EYS: variants seen among roughly 807,000 people sequenced by gnomAD.
The protein encoded by EYS is protein eyes shut homolog.
Under a neutral mutation model 282.1 loss-of-function variants are expected in EYS, and 250 were observed. The observed-to-expected ratio is 0.89, with a 90% CI of 0.80 to 0.98. The LOEUF is 0.98. Among genes scored for constraint, EYS ranks in the 50% least tolerant of loss-of-function variants. The pLI is 0.00. For missense variants in EYS, 4,016 were observed against 3,709.0 expected (o/e 1.08, Z -2.15); for synonymous variants, 1,355 against 1,282.9 (o/e 1.06, Z -1.20).
chr6:65,271,992 C>T (rs1767918946), intron 12 of EYS, among the ~76,000 whole-genome samples: 1 of 152,140 alleles, frequency 6.6e-6, no homozygotes, highest in African/African-American at 2.4e-5. Context: ...CCTATGTCTA[C>T]AGGAGGTAAA....
intron 13 of EYS, among the ~76,000 whole-genome samples, chr6:65,006,373 A>T (rs1771657225): frequency 6.6e-6 from 1 of 152,150 alleles, no homozygotes; most frequent in African/African-American, 2.4e-5. Flanking sequence ...TCCTTAACCC[A>T]GTAACCCACA....
chr6:64,946,031 T>C (rs1197442736), intron 14 of EYS, 117 bp from the exon 15 acceptor site: 11 of 806,486 alleles, frequency 1.4e-5, no homozygotes, highest in Non-Finnish European at 2.0e-5. Flanking sequence ...TTTAGTTTTA[T>C]AGAATGCCAA....
At chr6:64,431,790 C>T (rs550404339) in intron 28 of EYS, among the ~76,000 whole-genome samples, 25 of 152,006 alleles carry the variant, frequency 1.6e-4, no homozygotes, top group Admixed American at 3.3e-4. Context: ...ACCTTCCTCT[C>T]TTCTTTTGAT....
intron 12 of EYS, among the ~76,000 whole-genome samples, chr6:65,286,203 A>G (rs1768357568): frequency 6.6e-6 from 1 of 151,864 alleles, no homozygotes; most frequent in Non-Finnish European, 1.5e-5. Flanking sequence ...CAGTTGCTTG[A>G]TAATTAAAAT....
At chr6:64,066,595 G>T in intron 32 of EYS, 104 bp from the exon 33 acceptor site, 2 of 780,514 alleles carry the variant, frequency 2.6e-6, no homozygotes, top group Non-Finnish European at 2.0e-6. Flanking sequence ...TGATTTAGGG[G>T]GTTGGTAGGA....
At chr6:64,581,493 T>A (rs915329114) in intron 26 of EYS, among the ~76,000 whole-genome samples, 6 of 152,180 alleles carry the variant, frequency 3.9e-5, no homozygotes, top group Admixed American at 2.6e-4. Context: ...TATTTGCTGT[T>A]TAATGTCATT....
At chr6:63,766,564 G>A (rs1049500686) in intron 40 of EYS, among the ~76,000 whole-genome samples, 1 of 152,050 alleles carries the variant, frequency 6.6e-6, no homozygotes, top group African/African-American at 2.4e-5. Context: ...CAAGGCTTTG[G>A]TAAGTGTGTT....
At chr6:64,077,320 T>G (rs1771808176) in intron 32 of EYS, among the ~76,000 whole-genome samples, 1 of 152,038 alleles carries the variant, frequency 6.6e-6, no homozygotes, top group African/African-American at 2.4e-5. Flanking sequence ...GCCACATCAT[T>G]GAAATGAAAT....
intron 32 of EYS, among the ~76,000 whole-genome samples, chr6:64,080,697 A>AT (rs1771936286): frequency 6.6e-6 from 1 of 151,880 alleles, no homozygotes; most frequent in South Asian, 2.1e-4. Flanking sequence ...TAGGTCTAAC[A>AT]TTTAAGTCTT....
chr6:64,624,074 G>A (rs979625392), intron 23 of EYS, among the ~76,000 whole-genome samples: 2 of 152,094 alleles, frequency 1.3e-5, no homozygotes, highest in Non-Finnish European at 2.9e-5. Context: ...TGACTAAGTT[G>A]TGAAGAGTGT....
intron 19 of EYS, among the ~76,000 whole-genome samples, chr6:64,859,770 G>A (rs868245599): frequency 1.3e-5 from 2 of 152,210 alleles, no homozygotes; most frequent in South Asian, 4.1e-4. Flanking sequence ...CCCAGTCTTG[G>A]TTATGTCTTT....
intron 22 of EYS, among the ~76,000 whole-genome samples, chr6:64,705,810 C>T (rs1770985046): frequency 7.9e-6 from 1 of 126,070 alleles, no homozygotes; most frequent in Non-Finnish European, 1.6e-5. Flanking sequence ...GGGAACATCA[C>T]ACTCTGGGGA....
intron 22 of EYS, among the ~76,000 whole-genome samples, chr6:64,647,896 GAATA>G (rs1768412558): frequency 1.3e-5 from 2 of 149,934 alleles, no homozygotes; most frequent in South Asian, 2.1e-4. Context: ...GTGCCTTCAT[GAATA>G]AATAAATGGT....
chr6:65,606,334 C>T (rs354398), intron 2 of EYS, among the ~76,000 whole-genome samples: 117,702 of 151,736 alleles, frequency 0.78, 45,761 homozygotes, highest in Middle Eastern at 0.82. Flanking sequence ...TATTCCAAGC[C>T]ATACTAAAAT....
At chr6:65,486,136 A>G (rs983860837) in intron 5 of EYS, among the ~76,000 whole-genome samples, 2 of 152,250 alleles carry the variant, frequency 1.3e-5, no homozygotes, top group East Asian at 1.9e-4. Context: ...TGGTTCACAC[A>G]TAGTTCATAT....
rs139085822 is a variant in EYS at position 63,794,954 on chromosome 6, A to T, written c.7412-5730T>A. 1.4e-4 allele frequency among the ~76,000 whole-genome samples: 22 copies of T among 152,330 alleles called. No individual in the cohort carries two copies. In the East Asian group the frequency reaches 3.3e-3, roughly 23 times the overall value. ...TGCTAAGAAGAAAGGACTTAGAGAGATTATGTTGTGCAAGTAGTAAAAAGA... is the reference window on the plus strand; with the variant it reads ...TGCTAAGAAGAAAGGACTTAGAGAGTTTATGTTGTGCAAGTAGTAAAAAGA... On this transcript the variant is annotated intron_variant, in intron 37 of 42. Transcript: ENST00000503581.
chr6:65,054,035 A>G (rs964030510), intron 13 of EYS, among the ~76,000 whole-genome samples: 2 of 152,008 alleles, frequency 1.3e-5, no homozygotes, highest in South Asian at 4.1e-4. Context: ...AATAGAAATT[A>G]TTTGAGCTTT....
intron 2 of EYS, among the ~76,000 whole-genome samples, chr6:65,615,876 G>T (rs1446118912): frequency 4.0e-5 from 6 of 151,854 alleles, no homozygotes; most frequent in Admixed American, 3.9e-4. Flanking sequence ...GGAGCATGCA[G>T]TGAGCTGAGA....
chr6:64,046,177 G>A (rs116262236), intron 33 of EYS, among the ~76,000 whole-genome samples: 1,960 of 147,878 alleles, frequency 0.013, 37 homozygotes, highest in African/African-American at 0.037. Flanking sequence ...ATATATTTTA[G>A]AGATTTTTAA....
Sources: allele counts gnomAD v4.1 joint callset (sites outside exome capture counted in the v4.1 genomes callset), GRCh38; gene constraint gnomAD v4.1.1; transcripts MANE v1.5; gene names NCBI Gene and HGNC (gene_info 2026-07-23, HGNC 2026-07-21).